RPTOR: variants seen among roughly 807,000 people sequenced by gnomAD.
RPTOR encodes the protein regulatory-associated protein of mTOR.
A neutral mutation model predicts 169.9 loss-of-function variants in RPTOR; 21 were observed. The ratio of observed to expected loss-of-function variants is 0.12; its 90% CI spans 0.09 to 0.18. The LOEUF is 0.18. RPTOR is among the 10% of genes least tolerant of loss of function. RPTOR has a pLI of 1.00. For missense variants in RPTOR, 1,133 were observed against 1,855.9 expected, an observed-to-expected ratio of 0.61 and a Z score of 7.16; for synonymous variants, 732 against 753.2, an observed-to-expected ratio of 0.97 and a Z score of 0.46.
intron 9 of RPTOR, among the ~76,000 whole-genome samples, chr17:80,825,870 C>T (rs1031519695): frequency 6.6e-6 from 1 of 152,214 alleles, no homozygotes; most frequent in East Asian, 1.9e-4. Flanking sequence ...GCTTCCCTTT[C>T]GGGCGCGTTC....
At chr17:80,885,402 C>G (rs2068234141) in intron 17 of RPTOR, among the ~76,000 whole-genome samples, 1 of 152,260 alleles carries the variant, frequency 6.6e-6, no homozygotes, top group Non-Finnish European at 1.5e-5. Context: ...TCCTTCCTGC[C>G]TGGGAGCAAC....
At chr17:80,895,458 C>T (rs959894640) in intron 20 of RPTOR, among the ~76,000 whole-genome samples, 9 of 152,238 alleles carry the variant, frequency 5.9e-5, no homozygotes, top group African/African-American at 2.2e-4. Flanking sequence ...GCCCATCTCT[C>T]TCCCCTGGAG....
In RPTOR at chr17:80,820,562, C is replaced by T. The variant is rs920261363; in HGVS notation, c.891-1639C>T. On this transcript the variant is annotated intron_variant, in intron 7 of 33. Coordinates refer to ENST00000306801, the MANE Select transcript of RPTOR (RefSeq NM_020761.3). The surrounding 1 kb of genome is among the most constrained non-coding windows in gnomAD (Gnocchi z 4.1). The stretch of plus-strand genomic sequence containing the variant: ...GGGAGGTGTGCCCCACCCTCACATT[C>T]CTCCGTGGGGCCAAGCTCTGTCGTA... 2.0e-5 allele frequency among the ~76,000 whole-genome samples: 3 copies of T among 152,090 alleles called. No homozygotes were observed. Among genetic ancestry groups the T allele is most frequent in the Non-Finnish European group, 4.4e-5 (3 of 68,020 alleles).
chr17:80,617,686 C>G (rs904961644), intron 1 of RPTOR, among the ~76,000 whole-genome samples: 3 of 152,064 alleles, frequency 2.0e-5, no homozygotes, highest in Non-Finnish European at 2.9e-5. Flanking sequence ...TAATTTCACC[C>G]CATAAGGTGT....
intron 3 of RPTOR, among the ~76,000 whole-genome samples, chr17:80,687,193 T>G (rs2065955069): frequency 6.6e-6 from 1 of 152,184 alleles, no homozygotes; most frequent in Admixed American, 6.5e-5. Flanking sequence ...CCGTCCCACT[T>G]CTCCTCACTG....
At chr17:80,698,067 A>G (rs562557380) in intron 3 of RPTOR, among the ~76,000 whole-genome samples, 153 of 149,796 alleles carry the variant, frequency 1.0e-3, no homozygotes, top group African/African-American at 3.7e-3. Context: ...AGGATCCCAG[A>G]CGGGTGGGTG....
In RPTOR at chr17:80,957,489, G is replaced by A. The variant is rs982180663; in HGVS notation, c.3371-135G>A. On this transcript the variant is annotated intron_variant, in intron 28 of 33. Coordinates refer to ENST00000306801, the MANE Select transcript of RPTOR (RefSeq NM_020761.3). This position sits in a 1 kb window ranked among gnomAD's most constrained non-coding sequence, Gnocchi z 4.6. ...TAGCGGGAGCTCATATGAGGCATAT[G>A]GACCCACCAGATGGGCTCGATGGTG... 2 of 773,844 alleles carry A rather than the reference G, an allele frequency of 2.6e-6. No individual in the cohort carries two copies. Among genetic ancestry groups the A allele is most frequent in the Middle Eastern group, 3.6e-4 (1 of 2,768 alleles). 47.9% of individuals were successfully genotyped at this position (773,844 alleles called of 1,614,324 possible).
intron 3 of RPTOR, among the ~76,000 whole-genome samples, chr17:80,692,600 C>T (rs1311931273): frequency 6.6e-6 from 1 of 152,052 alleles, no homozygotes; most frequent in African/African-American, 2.4e-5. Context: ...GGATTACAGG[C>T]GTGAGCCACC....
intron 3 of RPTOR, among the ~76,000 whole-genome samples, chr17:80,664,981 T>G (rs990063578): frequency 2.0e-5 from 3 of 152,238 alleles, no homozygotes; most frequent in African/African-American, 4.8e-5. Flanking sequence ...GACCTTTTTC[T>G]CCTGCTTCTG....
At position 80,957,122 on chromosome 17, in the gene RPTOR, C is replaced by T. The variant is rs910409700; in HGVS notation, c.3371-502C>T. Among the ~76,000 whole-genome samples, 2 of 146,004 alleles carry T rather than the reference C, an allele frequency of 1.4e-5. No individual in the cohort carries two copies. Among genetic ancestry groups the T allele is most frequent in the Non-Finnish European group, 3.0e-5 (2 of 66,636 alleles). On this transcript the variant is annotated intron_variant, in intron 28 of 33. Transcript: ENST00000306801. The surrounding 1 kb of genome is among the most constrained non-coding windows in gnomAD (Gnocchi z 4.6). ...GAGTTCCAGCTTAGAACTGTCACCCCGGCCTGGACTTGGGAGTTCCAGCTT... is the reference window on the plus strand; with the variant it reads ...GAGTTCCAGCTTAGAACTGTCACCCTGGCCTGGACTTGGGAGTTCCAGCTT...
At chr17:80,916,874 G>C (rs548832050) in intron 21 of RPTOR, among the ~76,000 whole-genome samples, 11 of 152,204 alleles carry the variant, frequency 7.2e-5, no homozygotes, top group African/African-American at 2.4e-4. Flanking sequence ...TGTAGTCCCA[G>C]CTACTCAGGA....
intron 17 of RPTOR, among the ~76,000 whole-genome samples, chr17:80,886,209 G>A (rs1045737210): frequency 9.9e-5 from 15 of 152,240 alleles, no homozygotes; most frequent in Admixed American, 9.8e-4. Flanking sequence ...AGCAGCTGCC[G>A]CTGCTTTACT....
Position 80,790,930 on chromosome 17 carries a change from G to A in RPTOR, c.831-520G>A, listed in dbSNP as rs557257022. Among the ~76,000 whole-genome samples the A allele has an allele frequency of 1.0e-3, 154 of 152,266 alleles. 1 individual carries two copies. Among genetic ancestry groups the A allele is most frequent in the African/African-American group, 3.5e-3 (144 of 41,546 alleles). On this transcript the variant is annotated intron_variant, in intron 6 of 33. Transcript: ENST00000306801. Reference sequence around the variant, plus strand: ...GCGCCACGTTAGAGAAAGCCTGTCCGGCTCCACACGCGCTCCTAAGGATGG... The same window carrying A: ...GCGCCACGTTAGAGAAAGCCTGTCCAGCTCCACACGCGCTCCTAAGGATGG...
intron 3 of RPTOR, among the ~76,000 whole-genome samples, chr17:80,674,273 T>C (rs74000894): frequency 0.016 from 2,406 of 152,382 alleles, 68 homozygotes; most frequent in African/African-American, 0.055. Context: ...AAAATGTTTT[T>C]TGAAGTACGT....
chr17:80,874,947 C>G (rs2068090161), intron 13 of RPTOR, among the ~76,000 whole-genome samples: 1 of 152,208 alleles, frequency 6.6e-6, no homozygotes, highest in Non-Finnish European at 1.5e-5. Context: ...CTGTGATTGT[C>G]TCTGTGTTCA....
chr17:80,711,381 C>G (rs796460572), intron 4 of RPTOR, among the ~76,000 whole-genome samples: 4 of 151,746 alleles, frequency 2.6e-5, no homozygotes, highest in African/African-American at 4.8e-5. Flanking sequence ...TTTTTCTTGT[C>G]CCCTGAACCA....
At chr17:80,917,441 T>A (rs1324854907) in intron 21 of RPTOR, among the ~76,000 whole-genome samples, 1 of 152,164 alleles carries the variant, frequency 6.6e-6, no homozygotes, top group Non-Finnish European at 1.5e-5. Context: ...AAAATCACAT[T>A]GTCATGCCAG....
At chr17:80,589,875 C>T (rs1336513948) in intron 1 of RPTOR, among the ~76,000 whole-genome samples, 3 of 152,166 alleles carry the variant, frequency 2.0e-5, no homozygotes, top group African/African-American at 7.2e-5. Flanking sequence ...GTCCCTCCTA[C>T]CCCATCTTTA....
At chr17:80,552,135 A>G (rs1339320070) in intron 1 of RPTOR, among the ~76,000 whole-genome samples, 2 of 152,204 alleles carry the variant, frequency 1.3e-5, no homozygotes, top group Non-Finnish European at 2.9e-5. Context: ...TTCTTTCTAT[A>G]CAGACACAGT....
Sources: allele counts gnomAD v4.1 joint callset (sites outside exome capture counted in the v4.1 genomes callset), GRCh38; gene constraint gnomAD v4.1.1; non-coding constraint Gnocchi (gnomAD v3.1); transcripts MANE v1.5; gene names NCBI Gene and HGNC (gene_info 2026-07-23, HGNC 2026-07-21).